The following NUP210L variants were observed in gnomAD, a reference collection of about 807,000 sequenced individuals.
The protein encoded by NUP210L is nuclear pore membrane glycoprotein 210-like.
NUP210L carries 74 observed loss-of-function variants against 208.5 expected under a neutral mutation model. The observed-to-expected ratio is 0.35, with a 90% CI of 0.29 to 0.43. The LOEUF (loss-of-function observed/expected upper bound fraction) is 0.43, where lower values mean the gene tolerates loss of function less well. Among genes scored for constraint, NUP210L ranks in the 20% least tolerant of loss-of-function variants. The probability of loss-of-function intolerance (pLI) is 1.00; values close to 1 mark genes in which losing one functional copy is unlikely to be tolerated. For synonymous variants in NUP210L, 780 were observed against 816.9 expected (o/e 0.95, Z 0.77); for missense variants, 1,843 against 2,289.4 (o/e 0.81, Z 3.98).
chr1:154,001,903 A>G lies in NUP210L; in HGVS notation c.5013T>C (p.Tyr1671=), dbSNP rs1397931711. The change falls in exon 36 of 40, where the codon TAT becomes TAC. Residue 1671 remains tyrosine (Y), a synonymous_variant. Coordinates refer to ENST00000368559, the Ensembl canonical transcript of NUP210L. The stretch of plus-strand genomic sequence containing the variant: ...GTTCACTGACCAGTGTAGCCCACCC[A>G]TAGACTGAGGTGTCAGCCACACTGA... The G allele has an allele frequency of 3.1e-6, 5 of 1,614,002 alleles. No individual in the cohort carries two copies. In the South Asian group the frequency reaches 5.5e-5, roughly 18 times the overall value.
Position 154,129,267 on chromosome 1 carries a change from T to C in NUP210L, c.1078+10A>G, listed in dbSNP as rs748137673. ...CTATCCACCTTTCTGAAAAGTATGA[T>C]CTAAAATACCTAAAAATCCAGGCTC... On this transcript the variant is annotated intron_variant, in intron 8 of 39. Coordinates refer to ENST00000368559, the Ensembl canonical transcript of NUP210L. The C allele has an allele frequency of 1.3e-6, 2 of 1,563,658 alleles. No homozygotes were observed. Among genetic ancestry groups the C allele is most frequent in the South Asian group, 1.1e-5 (1 of 87,858 alleles).
intron 25 of NUP210L, among the ~76,000 whole-genome samples, chr1:154,049,000 G>C (rs921252511): frequency 8.5e-5 from 13 of 152,110 alleles, no homozygotes; most frequent in Admixed American, 7.2e-4. Flanking sequence ...GCAGCTTACT[G>C]GGTGAATCAA....
chr1:154,118,928 T>G (rs936647165), intron 10 of NUP210L, 120 bp from the exon 11 acceptor site: 1 of 498,112 alleles, frequency 2.0e-6, no homozygotes, highest in African/African-American at 1.9e-5. Context: ...CCAGTTTCTA[T>G]CTATAAAAGA....
intron 35 of NUP210L, among the ~76,000 whole-genome samples, chr1:154,002,264 A>G (rs1022864223): frequency 1.3e-5 from 2 of 152,054 alleles, no homozygotes; most frequent in Admixed American, 6.6e-5. Flanking sequence ...CGTGCAGGCT[A>G]GAGCACAGTG....
intron 13 of NUP210L, among the ~76,000 whole-genome samples, chr1:154,101,091 G>T (rs1192236448): frequency 7.0e-6 from 1 of 142,964 alleles, no homozygotes; most frequent in African/African-American, 2.6e-5. Context: ...AGAATCGCTT[G>T]AACCCAGAAG....
At chr1:154,041,318 G>A (rs541766915) in intron 27 of NUP210L, among the ~76,000 whole-genome samples, 5 of 152,024 alleles carry the variant, frequency 3.3e-5, no homozygotes, top group Non-Finnish European at 7.4e-5. Context: ...AATTTTGTTT[G>A]TTTATGTATT....
chr1:154,126,562 AT>A, intron 9 of NUP210L, 99 bp from the exon 10 acceptor site: 1 of 1,054,996 alleles, frequency 9.5e-7, no homozygotes, highest in Admixed American at 2.6e-5. Flanking sequence ...CTATGCATTC[AT>A]GGAATAAAGA....
At chr1:153,997,190 C>T (rs994114163) in intron 37 of NUP210L, among the ~76,000 whole-genome samples, 2 of 151,796 alleles carry the variant, frequency 1.3e-5, no homozygotes, top group African/African-American at 4.8e-5. Flanking sequence ...TCTCGAACTC[C>T]TCACCTCAGG....
chr1:154,042,115 T>TC (rs979174506), intron 27 of NUP210L, among the ~76,000 whole-genome samples: 2 of 152,052 alleles, frequency 1.3e-5, no homozygotes, highest in African/African-American at 4.8e-5. Flanking sequence ...TTTTTTTTTT[T>TC]CTGAGACAGG....
At chr1:154,051,810 A>G (rs972758090) in intron 25 of NUP210L, among the ~76,000 whole-genome samples, 1 of 152,232 alleles carries the variant, frequency 6.6e-6, no homozygotes, top group Non-Finnish European at 1.5e-5. Context: ...CCTCTGTTAA[A>G]CATCACCTTT....
intron 35 of NUP210L, among the ~76,000 whole-genome samples, chr1:154,006,817 C>CATATATATATAT (rs376666558): frequency 8.7e-6 from 1 of 114,686 alleles, no homozygotes; most frequent in African/African-American, 3.3e-5. Flanking sequence ...CTTACCATGC[C>CATATATATATAT]ATATATATAT....
At chr1:154,135,790 G>A (rs775188487) in intron 7 of NUP210L, 24 bp downstream of exon 7, 2 of 1,604,268 alleles carry the variant, frequency 1.2e-6, no homozygotes, top group Non-Finnish European at 1.7e-6. Context: ...TAGACTGGCA[G>A]CTAAAACTTG....
chr1:154,061,152 C>G, intron 18 of NUP210L, 106 bp from the exon 19 acceptor site: 1 of 710,788 alleles, frequency 1.4e-6, no homozygotes, highest in South Asian at 1.7e-5. Context: ...GTAAGGCAGG[C>G]AGATCACCTG....
At chr1:154,023,965 T>C (rs1222483708) in intron 30 of NUP210L, among the ~76,000 whole-genome samples, 1 of 151,898 alleles carries the variant, frequency 6.6e-6, no homozygotes, top group Non-Finnish European at 1.5e-5. Context: ...TTTTTTTGTA[T>C]TTTTAGTAGA....
chr1:154,033,728 C>G (rs1652378022), intron 27 of NUP210L, among the ~76,000 whole-genome samples: 1 of 152,066 alleles, frequency 6.6e-6, no homozygotes. Flanking sequence ...TTTGACTATT[C>G]TGTGTCTTTT....
intron 33 of NUP210L, among the ~76,000 whole-genome samples, chr1:154,015,396 G>A (rs553317342): frequency 2.6e-5 from 4 of 151,914 alleles, no homozygotes; most frequent in Non-Finnish European, 4.4e-5. Flanking sequence ...GATCAGCCTG[G>A]GCAACAGGGT....
At chr1:154,142,858 G>A (rs1397203247) in intron 3 of NUP210L, among the ~76,000 whole-genome samples, 1 of 146,702 alleles carries the variant, frequency 6.8e-6, no homozygotes, top group Non-Finnish European at 1.5e-5. Flanking sequence ...CACTGCACTT[G>A]AGCCTAGGCA....
At chr1:154,152,768 C>A in exon 2 of NUP210L, 2 of 1,613,980 alleles carry the variant, frequency 1.2e-6, no homozygotes, top group Non-Finnish European at 1.7e-6. Flanking sequence ...ACTGCTGAGG[C>A]GTATCGGTTG....
chr1:154,122,677 A>G (rs551549394), intron 10 of NUP210L, among the ~76,000 whole-genome samples: 7 of 152,224 alleles, frequency 4.6e-5, no homozygotes, highest in Admixed American at 1.3e-4. Context: ...ACAGAAAATA[A>G]CAAGTGTTGA....
Sources: allele counts gnomAD v4.1 joint callset (sites outside exome capture counted in the v4.1 genomes callset), GRCh38; gene constraint gnomAD v4.1.1; transcripts MANE v1.5; gene names NCBI Gene and HGNC (gene_info 2026-07-23, HGNC 2026-07-21).